Variants in CFAP77 observed in about 807,000 individuals in gnomAD.
CFAP77 encodes cilia and flagella associated protein 77.
A neutral mutation model predicts 31.1 loss-of-function variants in CFAP77; 25 were observed. That is an observed-to-expected ratio of 0.80 (90% CI 0.59 to 1.12). The LOEUF is 1.12. Ranked by LOEUF, CFAP77 falls within the 50% of genes most tolerant of loss-of-function variation. CFAP77 has a pLI of 0.00. For synonymous variants in CFAP77, 151 were observed against 159.9 expected, an observed-to-expected ratio of 0.94 and a Z score of 0.42; for missense variants, 377 against 397.3, an observed-to-expected ratio of 0.95 and a Z score of 0.44.
chr9:132,502,868 G>T (rs1296618187), intron 3 of CFAP77, among the ~76,000 whole-genome samples: 1 of 152,148 alleles, frequency 6.6e-6, no homozygotes, highest in African/African-American at 2.4e-5. Flanking sequence ...TAAGTTTTTG[G>T]GGACCCGCCA....
chr9:132,488,948 G>A (rs923175894), intron 1 of CFAP77, among the ~76,000 whole-genome samples: 2 of 152,174 alleles, frequency 1.3e-5, no homozygotes, highest in Admixed American at 6.5e-5. Flanking sequence ...GTCTGCTGAT[G>A]GGGACAGCTG....
chr9:132,433,496 T>C (rs1850447860), intron 1 of CFAP77, among the ~76,000 whole-genome samples: 1 of 151,772 alleles, frequency 6.6e-6, no homozygotes, highest in Admixed American at 6.6e-5. Flanking sequence ...TGACCTGAGA[T>C]GCCACTTCAC....
intron 1 of CFAP77, among the ~76,000 whole-genome samples, chr9:132,446,593 T>G (rs1041023132): frequency 6.6e-6 from 1 of 151,440 alleles, no homozygotes; most frequent in Non-Finnish European, 1.5e-5. Context: ...TACAAAAAAT[T>G]AGCTGGGCGT....
Position 132,517,379 on chromosome 9 carries a change from C to T in CFAP77, c.524+17779C>T, listed in dbSNP as rs1331541110. Among the ~76,000 whole-genome samples the T allele has an allele frequency of 1.3e-5, 2 of 152,210 alleles. No individual in the cohort carries two copies. The highest frequency in any genetic ancestry group is 1.3e-4 in the Admixed American group (2 of 15,282). On this transcript the variant is annotated intron_variant, in intron 3 of 5. Coordinates refer to ENST00000393216, the MANE Select transcript of CFAP77 (RefSeq NM_001282957.2). This position sits in a 1 kb window ranked among gnomAD's most constrained non-coding sequence, Gnocchi z 4.7. ...AAGCATCAAGAGCCAAATAAGGACC[C>T]GTCTTGAGTGGAATCACGTTGAACA... is the stretch of plus-strand genomic sequence containing the variant.
At chr9:132,518,190 G>C (rs1852182807) in intron 3 of CFAP77, among the ~76,000 whole-genome samples, 1 of 152,116 alleles carries the variant, frequency 6.6e-6, no homozygotes, top group Non-Finnish European at 1.5e-5. Context: ...CAGCCCGAGT[G>C]TGAGGGCCTG....
intron 1 of CFAP77, chr9:132,482,340 T>C (rs761940806): frequency 6.2e-7 from 1 of 1,614,104 alleles, no homozygotes; most frequent in African/African-American, 1.3e-5. Flanking sequence ...GGGAACCTCT[T>C]ATTCTGTTTA....
intron 5 of CFAP77, among the ~76,000 whole-genome samples, chr9:132,570,386 T>G (rs569022644): frequency 6.6e-6 from 1 of 152,344 alleles, no homozygotes; most frequent in South Asian, 2.1e-4. Context: ...GGCCTCTCCC[T>G]TGGTTGCAAG....
intron 5 of CFAP77, among the ~76,000 whole-genome samples, chr9:132,561,892 T>C (rs1829817197): frequency 6.6e-6 from 1 of 152,168 alleles, no homozygotes; most frequent in Non-Finnish European, 1.5e-5. Flanking sequence ...TTTCAGCTTG[T>C]GGACCAGAGC....
intron 1 of CFAP77, among the ~76,000 whole-genome samples, chr9:132,488,504 TG>T (rs1162863767): frequency 6.6e-6 from 1 of 152,112 alleles, no homozygotes; most frequent in East Asian, 1.9e-4. Context: ...AAAAGTAGAT[TG>T]GGTGGGAAAT....
chr9:132,446,383 A>T (rs1484478553), intron 1 of CFAP77, among the ~76,000 whole-genome samples: 1 of 151,690 alleles, frequency 6.6e-6, no homozygotes, highest in African/African-American at 2.4e-5. Context: ...GCTCGAATGA[A>T]GCCCCGATAG....
intron 3 of CFAP77, among the ~76,000 whole-genome samples, chr9:132,506,613 G>A (rs1019674842): frequency 3.3e-5 from 5 of 151,918 alleles, no homozygotes; most frequent in African/African-American, 7.3e-5. Flanking sequence ...AGCCCCTTGC[G>A]CATCAGTGTC....
chr9:132,425,590 C>CG (rs781543721), intron 1 of CFAP77, among the ~76,000 whole-genome samples: 25 of 152,074 alleles, frequency 1.6e-4, no homozygotes, highest in Non-Finnish European at 3.7e-4. Context: ...TTTTCCCCCC[C>CG]GAAATTGCAG....
At chr9:132,475,590 C>T (rs569953314) in intron 1 of CFAP77, among the ~76,000 whole-genome samples, 4 of 152,276 alleles carry the variant, frequency 2.6e-5, no homozygotes, top group South Asian at 4.2e-4. Context: ...AGAAGTGTCT[C>T]GGTTAGGAGC....
intron 1 of CFAP77, among the ~76,000 whole-genome samples, chr9:132,473,421 A>G (rs1479643607): frequency 2.0e-5 from 3 of 152,234 alleles, no homozygotes; most frequent in Non-Finnish European, 4.4e-5. Flanking sequence ...GAGGCAAAGA[A>G]CAGTGATGTA....
intron 3 of CFAP77, among the ~76,000 whole-genome samples, chr9:132,530,343 T>C (rs1263179454): frequency 6.6e-6 from 1 of 151,506 alleles, no homozygotes; most frequent in Admixed American, 6.6e-5. Context: ...TGGTGCAATC[T>C]CGGCTCACTG....
chr9:132,535,791 C>G (rs1852531279), intron 3 of CFAP77, among the ~76,000 whole-genome samples: 1 of 152,062 alleles, frequency 6.6e-6, no homozygotes, highest in South Asian at 2.1e-4. Context: ...ACTTGACATA[C>G]AATTAGGTTC....
intron 3 of CFAP77, among the ~76,000 whole-genome samples, chr9:132,524,806 G>A (rs906378338): frequency 1.1e-4 from 16 of 148,500 alleles, no homozygotes; most frequent in Admixed American, 2.0e-4. Flanking sequence ...CCGCCACCAC[G>A]CCCAGCTAAT....
At chr9:132,422,733 T>G (rs1345677198) in intron 1 of CFAP77, among the ~76,000 whole-genome samples, 1 of 152,122 alleles carries the variant, frequency 6.6e-6, no homozygotes, top group Non-Finnish European at 1.5e-5. Context: ...CACAAAGGGC[T>G]GAGAGACAGG....
At chr9:132,443,191 T>G (rs1239099212) in intron 1 of CFAP77, among the ~76,000 whole-genome samples, 1 of 152,170 alleles carries the variant, frequency 6.6e-6, no homozygotes, top group African/African-American at 2.4e-5. Context: ...TGCAATTTAT[T>G]TATCCATTCA....
Sources: allele counts gnomAD v4.1 joint callset (sites outside exome capture counted in the v4.1 genomes callset), GRCh38; gene constraint gnomAD v4.1.1; non-coding constraint Gnocchi (gnomAD v3.1); transcripts MANE v1.5; gene names NCBI Gene and HGNC (gene_info 2026-07-23, HGNC 2026-07-21).